GRAP2: variants seen among roughly 807,000 people sequenced by gnomAD.
GRAP2 encodes the protein GRB2-related adapter protein 2.
A neutral mutation model predicts 43.5 loss-of-function variants in GRAP2; 31 were observed. The observed-to-expected ratio is 0.71, with a 90% confidence interval of 0.54 to 0.96. The LOEUF is 0.96. Ranked by LOEUF, GRAP2 falls within the 40% of genes least tolerant of loss-of-function variation. The pLI is 0.00. For missense variants in GRAP2, 371 were observed against 424.4 expected (o/e 0.87, Z 1.11); for synonymous variants, 156 against 164.8 (o/e 0.95, Z 0.41).
At chr22:39,926,078 G>C (rs540364254) in intron 1 of GRAP2, among the ~76,000 whole-genome samples, 2 of 152,308 alleles carry the variant, frequency 1.3e-5, no homozygotes, top group African/African-American at 4.8e-5. Context: ...TCAACTGTGA[G>C]CTCCCTGAGG....
chr22:39,963,047 C>T (rs554378786), intron 4 of GRAP2, among the ~76,000 whole-genome samples: 1 of 152,284 alleles, frequency 6.6e-6, no homozygotes, highest in South Asian at 2.1e-4. Flanking sequence ...GAAGTCTTCC[C>T]CTGATATTCA....
chr22:39,957,374 G>T (rs1204642473), intron 3 of GRAP2, among the ~76,000 whole-genome samples: 1 of 152,100 alleles, frequency 6.6e-6, no homozygotes, highest in Non-Finnish European at 1.5e-5. Context: ...CTTGATTCCA[G>T]GTTCTCTGGA....
At chr22:39,902,886 A>G (rs1008100537) in intron 1 of GRAP2, among the ~76,000 whole-genome samples, 2 of 152,224 alleles carry the variant, frequency 1.3e-5, no homozygotes, top group African/African-American at 4.8e-5. Flanking sequence ...TATCATGATT[A>G]GTTGTTTCTT....
chr22:39,928,794 A>G (rs775291522), intron 1 of GRAP2, among the ~76,000 whole-genome samples: 1 of 152,186 alleles, frequency 6.6e-6, no homozygotes, highest in Non-Finnish European at 1.5e-5. Flanking sequence ...TGAGTCACAC[A>G]TTCCTCATTA....
rs367953876 is a variant in GRAP2, at chr22:39,971,658, G to A, written c.*574G>A. ...AGCGGGGATGTGAAGGCAGGACGGG[G>A]TTGGAGAGACCCTGCCTGTGCAAGG... On this transcript the variant is annotated 3_prime_UTR_variant, in exon 8 of 8. Transcript: ENST00000344138. 3.3e-5 allele frequency: 5 copies of A among 152,578 alleles called. No homozygotes were observed. Among genetic ancestry groups the A allele is most frequent in the African/African-American group, 1.2e-4 (5 of 41,606 alleles). 9.5% of individuals were successfully genotyped at this position (152,578 alleles called of 1,614,324 possible).
chr22:39,897,536 T>G (rs1473426064), upstream of GRAP2, among the ~76,000 whole-genome samples: 39 of 149,274 alleles, frequency 2.6e-4, no homozygotes, highest in African/African-American at 9.3e-4. Flanking sequence ...TTTTTTTTTT[T>G]GAGATGGAGT....
upstream of GRAP2, among the ~76,000 whole-genome samples, chr22:39,897,083 G>A (rs1322998958): frequency 6.6e-6 from 1 of 152,094 alleles, no homozygotes; most frequent in Non-Finnish European, 1.5e-5. Context: ...AATACTCTTC[G>A]ATTCTGACAA....
chr22:39,933,489 G>T (rs2066776321), intron 1 of GRAP2, among the ~76,000 whole-genome samples: 1 of 152,152 alleles, frequency 6.6e-6, no homozygotes, highest in Non-Finnish European at 1.5e-5. Flanking sequence ...GGATCTGGGA[G>T]GTCATGTGAC....
chr22:39,947,748 T>C (rs1014231925), intron 2 of GRAP2: 1 of 153,350 alleles, frequency 6.5e-6, no homozygotes, highest in Non-Finnish European at 1.5e-5. Context: ...TTAAAGCTTG[T>C]CCTCATCCTG....
At chr22:39,933,849 A>T (rs553484200) in intron 1 of GRAP2, among the ~76,000 whole-genome samples, 1 of 152,130 alleles carries the variant, frequency 6.6e-6, no homozygotes, top group African/African-American at 2.4e-5. Context: ...TCGAAAAAAA[A>T]AAAAAGAAAA....
rs941677571 is a variant in GRAP2 at position 39,973,675 on chromosome 22, GAA to G, written c.*2593_*2594del. 5.9e-5 allele frequency: 9 copies of G among 152,224 alleles called. No homozygotes were observed. Among genetic ancestry groups the G allele is most frequent in the Non-Finnish European group, 1.3e-4 (9 of 68,062 alleles). The allele number at this position is 152,224 out of a possible 1,614,324, so 9.4% of individuals were successfully genotyped here. On this transcript the variant is annotated 3_prime_UTR_variant, in exon 8 of 8. Transcript: ENST00000344138. ...CTGTCCACATTATGGAGGGGAGGGG[GAA>G]AGAGAGCTCAACCCCCCTCAGCCTC...
At chr22:39,960,034 T>C (rs1397142850) in intron 3 of GRAP2, 21 bp from the exon 4 acceptor site, 1 of 1,613,004 alleles carries the variant, frequency 6.2e-7, no homozygotes, top group South Asian at 1.1e-5. Context: ...CTGATCCTTT[T>C]GTTTGATCTC....
chr22:39,927,177 C>A (rs917512513), intron 1 of GRAP2, among the ~76,000 whole-genome samples: 1 of 152,194 alleles, frequency 6.6e-6, no homozygotes, highest in Non-Finnish European at 1.5e-5. Context: ...TCTGCCCCCC[C>A]GGCCATGCTA....
At chr22:39,951,266 G>A (rs148424014) in intron 2 of GRAP2, among the ~76,000 whole-genome samples, 43 of 152,264 alleles carry the variant, frequency 2.8e-4, no homozygotes, top group Admixed American at 1.1e-3. Flanking sequence ...CACCATACCT[G>A]CAGCTACACA....
At chr22:39,914,754 G>A (rs1404192620) in intron 1 of GRAP2, among the ~76,000 whole-genome samples, 6 of 152,210 alleles carry the variant, frequency 3.9e-5, no homozygotes, top group African/African-American at 1.4e-4. Context: ...TTTCGTACTC[G>A]ATCTGAAAAA....
At chr22:39,906,594 AC>A (rs1199229593) in intron 1 of GRAP2, among the ~76,000 whole-genome samples, 1 of 152,228 alleles carries the variant, frequency 6.6e-6, no homozygotes, top group Non-Finnish European at 1.5e-5. Flanking sequence ...TGCATTTCCA[AC>A]ACAGTCATTG....
chr22:39,916,622 A>G (rs950783215), intron 1 of GRAP2, among the ~76,000 whole-genome samples: 22 of 152,240 alleles, frequency 1.4e-4, no homozygotes, highest in Admixed American at 5.9e-4. Flanking sequence ...TCAAATTATA[A>G]AAGTCATTCT....
At chr22:39,925,531 C>T (rs1342867273) in intron 1 of GRAP2, among the ~76,000 whole-genome samples, 1 of 152,152 alleles carries the variant, frequency 6.6e-6, no homozygotes, top group Non-Finnish European at 1.5e-5. Context: ...TCCAAGTCCA[C>T]CTCCTCAACT....
chr22:39,934,197 C>G (rs2066784610), intron 1 of GRAP2, among the ~76,000 whole-genome samples: 1 of 152,188 alleles, frequency 6.6e-6, no homozygotes, highest in Admixed American at 6.5e-5. Flanking sequence ...TGATTTCAGC[C>G]AGGCTTTGCA....
Sources: allele counts gnomAD v4.1 joint callset (sites outside exome capture counted in the v4.1 genomes callset), GRCh38; gene constraint gnomAD v4.1.1; transcripts MANE v1.5; gene names NCBI Gene and HGNC (gene_info 2026-07-23, HGNC 2026-07-21).